Variants in RANBP17 observed in about 807,000 individuals in gnomAD.
The protein encoded by RANBP17 is RAN binding protein 17.
Under a neutral mutation model 141.2 loss-of-function variants are expected in RANBP17, and 158 were observed. The observed-to-expected ratio is 1.12, with a 90% CI of 0.98 to 1.28. The LOEUF (loss-of-function observed/expected upper bound fraction) is 1.28. Ranked by LOEUF, RANBP17 falls within the 50% of genes most tolerant of loss-of-function variation. The probability of loss-of-function intolerance (pLI) is 0.00; values close to 1 mark genes in which losing one functional copy is unlikely to be tolerated. For synonymous variants in RANBP17, 430 were observed against 450.0 expected (o/e 0.96, Z 0.56); for missense variants, 1,438 against 1,290.7 (o/e 1.11, Z -1.75).
chr5:171,142,648 T>C (rs1213449298), intron 14 of RANBP17, among the ~76,000 whole-genome samples: 1 of 152,206 alleles, frequency 6.6e-6, no homozygotes, highest in African/African-American at 2.4e-5. Flanking sequence ...ATGACTTTTT[T>C]TCCTTAGAAG....
At chr5:171,094,159 A>G (rs139348848) in intron 14 of RANBP17, among the ~76,000 whole-genome samples, 1 of 152,074 alleles carries the variant, frequency 6.6e-6, no homozygotes, top group African/African-American at 2.4e-5. Context: ...GCACCAACTA[A>G]CTCTTTTGTG....
At chr5:170,971,239 A>G (rs3849714) in intron 14 of RANBP17, among the ~76,000 whole-genome samples, 93,113 of 152,114 alleles carry the variant, frequency 0.61, 29,875 homozygotes, top group South Asian at 0.88. Context: ...TAAGTGATGT[A>G]TGTGATAGAA....
intron 5 of RANBP17, among the ~76,000 whole-genome samples, chr5:170,907,260 C>T (rs1324210870): frequency 6.6e-6 from 1 of 151,832 alleles, no homozygotes; most frequent in Non-Finnish European, 1.5e-5. Flanking sequence ...TATCCTGTGC[C>T]TCCAAGGTAG....
chr5:170,910,957 T>C lies in RANBP17; in HGVS notation c.595-12T>C. On this transcript the variant is annotated splice_polypyrimidine_tract_variant and intron_variant, in intron 6 of 27. Transcript: ENST00000523189. The stretch of plus-strand genomic sequence containing the variant: ...TTTCGCAGTGTTTTCTTTGATTTTG[T>C]ACTTTTTTCAGGTGTTTGCCAAACC... 6.2e-7 allele frequency: 1 copy of C among 1,607,828 alleles called. No homozygotes were observed. The highest frequency in any genetic ancestry group is 8.5e-7 in the Non-Finnish European group (1 of 1,176,978).
intron 14 of RANBP17, among the ~76,000 whole-genome samples, chr5:171,032,550 T>C (rs1781614211): frequency 6.6e-6 from 1 of 152,140 alleles, no homozygotes; most frequent in Non-Finnish European, 1.5e-5. Flanking sequence ...AAGACTAATA[T>C]TAATTTTATT....
intron 2 of RANBP17, among the ~76,000 whole-genome samples, chr5:170,880,359 C>A (rs1581038221): frequency 6.6e-6 from 1 of 152,274 alleles, no homozygotes; most frequent in East Asian, 1.9e-4. Context: ...GTTCCAGTGT[C>A]TTCAGCTCTT....
Position 171,299,811 on chromosome 5 carries a change from A to G in RANBP17, c.*953A>G, listed in dbSNP as rs1769020949. 8.9e-6 allele frequency: 2 copies of G among 223,908 alleles called. No homozygotes were observed. The highest frequency in any genetic ancestry group is 5.7e-5 in the Admixed American group (1 of 17,460). 13.9% of individuals were successfully genotyped at this position (223,908 alleles called of 1,614,324 possible). ...TTCTGACTCACCCCAAACCCAGAAC[A>G]TGAAGAAGACCTTTACAGTTTGTGC... On this transcript the variant is annotated 3_prime_UTR_variant, in exon 28 of 28. Transcript: ENST00000523189.
At chr5:170,883,071 A>G (rs1768849644) in intron 3 of RANBP17, among the ~76,000 whole-genome samples, 1 of 152,222 alleles carries the variant, frequency 6.6e-6, no homozygotes, top group South Asian at 2.1e-4. Flanking sequence ...GTTTTCCTCT[A>G]TATTGACTGT....
intron 14 of RANBP17, among the ~76,000 whole-genome samples, chr5:170,996,915 T>C (rs1013772669): frequency 2.0e-5 from 3 of 152,146 alleles, no homozygotes; most frequent in Non-Finnish European, 4.4e-5. Context: ...GTGATGTGTC[T>C]AGAAAGGTGA....
chr5:170,909,843 T>C (rs1231399626), intron 6 of RANBP17, 78 bp downstream of exon 6: 5 of 801,478 alleles, frequency 6.2e-6, no homozygotes, highest in Non-Finnish European at 1.1e-5. Flanking sequence ...TTCAGTTGAA[T>C]TTTCCCCCCA....
chr5:171,274,156 G>A (rs1489559419), intron 25 of RANBP17, among the ~76,000 whole-genome samples: 93 of 146,322 alleles, frequency 6.4e-4, no homozygotes, highest in African/African-American at 2.1e-3. Context: ...GTGTGCGCGC[G>A]CGCGCGCGTG....
intron 1 of RANBP17, among the ~76,000 whole-genome samples, chr5:170,871,943 C>T (rs2127325497): frequency 6.6e-6 from 1 of 152,310 alleles, no homozygotes; most frequent in Non-Finnish European, 1.5e-5. Context: ...AGTCTGAAGT[C>T]AGGTAGTGTG....
chr5:171,014,013 CTGT>C (rs1382484428), intron 14 of RANBP17, among the ~76,000 whole-genome samples: 7 of 152,042 alleles, frequency 4.6e-5, no homozygotes, highest in Non-Finnish European at 8.8e-5. Context: ...TTTTGAAACT[CTGT>C]TGTTAAGTCC....
At chr5:171,204,082 G>A (rs1195743656) in intron 19 of RANBP17, among the ~76,000 whole-genome samples, 1 of 152,074 alleles carries the variant, frequency 6.6e-6, no homozygotes, top group African/African-American at 2.4e-5. Context: ...CAGGTTACAT[G>A]AGGGAACTAC....
At chr5:170,881,966 G>C in intron 3 of RANBP17, 70 bp downstream of exon 3, 1 of 978,550 alleles carries the variant, frequency 1.0e-6, no homozygotes, top group East Asian at 2.6e-5. Context: ...ATACTAAACT[G>C]TTACTAGGAT....
chr5:170,924,603 C>A, intron 12 of RANBP17, 53 bp downstream of exon 12: 1 of 1,146,940 alleles, frequency 8.7e-7, no homozygotes, highest in Non-Finnish European at 1.3e-6. Context: ...TAAGTAACAT[C>A]ATTAATCACT....
At chr5:170,894,486 T>TATATATA (rs376342999) in intron 4 of RANBP17, among the ~76,000 whole-genome samples, 2,732 of 133,012 alleles carry the variant, frequency 0.021, 237 homozygotes, top group African/African-American at 0.07. Flanking sequence ...TACGTGTTTT[T>TATATATA]TATATATATA....
At chr5:170,874,411 C>G (rs1257857539) in intron 1 of RANBP17, among the ~76,000 whole-genome samples, 1 of 152,148 alleles carries the variant, frequency 6.6e-6, no homozygotes, top group African/African-American at 2.4e-5. Context: ...GTTGATCTAC[C>G]TAATTTTGAC....
intron 14 of RANBP17, among the ~76,000 whole-genome samples, chr5:171,136,451 GTC>G (rs1226392184): frequency 4.0e-5 from 6 of 151,564 alleles, no homozygotes; most frequent in Non-Finnish European, 5.9e-5. Context: ...GAAAGCTAGA[GTC>G]TCTAATTCTG....
Sources: gnomAD v4.1 joint callset for allele counts (sites outside exome capture counted in the v4.1 genomes callset) on GRCh38, gnomAD v4.1.1 for gene constraint, MANE v1.5 for transcripts, NCBI Gene and HGNC (gene_info 2026-07-23, HGNC 2026-07-21) for gene names.